The following PTPRM variants were observed in gnomAD, a reference collection of about 807,000 sequenced individuals.
PTPRM encodes the protein protein tyrosine phosphatase receptor type M, also known as receptor-type tyrosine-protein phosphatase mu.
In PTPRM, 47 loss-of-function variants were observed where a neutral mutation model predicts 186.7. The ratio of observed to expected loss-of-function variants is 0.25; its 90% CI spans 0.20 to 0.32. The LOEUF (loss-of-function observed/expected upper bound fraction) is 0.32, where lower values mean the gene tolerates loss of function less well. Ranked by LOEUF, PTPRM falls within the 10% of genes least tolerant of loss-of-function variation. The probability of loss-of-function intolerance (pLI) is 1.00; values close to 1 mark genes in which losing one functional copy is unlikely to be tolerated. For missense variants in PTPRM, 1,494 were observed against 1,865.0 expected (o/e 0.80, Z 3.66); for synonymous variants, 668 against 674.9 (o/e 0.99, Z 0.16).
chr18:8,349,375 G>T (rs2095522251), intron 23 of PTPRM, among the ~76,000 whole-genome samples: 1 of 152,196 alleles, frequency 6.6e-6, no homozygotes, highest in African/African-American at 2.4e-5. Context: ...AGACATTGCT[G>T]ACAGTTTTCC....
At chr18:8,128,029 G>A (rs532377805) in intron 13 of PTPRM, among the ~76,000 whole-genome samples, 124 of 152,202 alleles carry the variant, frequency 8.1e-4, no homozygotes, top group Middle Eastern at 3.4e-3. Context: ...AGTTGCACTC[G>A]AAAACGTACT....
intron 2 of PTPRM, among the ~76,000 whole-genome samples, chr18:7,788,677 C>T (rs970775482): frequency 6.6e-6 from 1 of 152,140 alleles, no homozygotes; most frequent in Non-Finnish European, 1.5e-5. Context: ...ATTTCATGTG[C>T]ATGGATAGCA....
chr18:8,165,855 C>A (rs1203696007), intron 14 of PTPRM, among the ~76,000 whole-genome samples: 1 of 152,156 alleles, frequency 6.6e-6, no homozygotes, highest in East Asian at 1.9e-4. Flanking sequence ...CAGTTCCCCC[C>A]TTATGGGCTT....
intron 11 of PTPRM, among the ~76,000 whole-genome samples, chr18:8,095,036 T>C (rs933442107): frequency 3.9e-5 from 6 of 152,094 alleles, no homozygotes; most frequent in African/African-American, 1.4e-4. Flanking sequence ...TGTGCTAGGA[T>C]TGGATTTGTT....
chr18:7,717,408 A>C (rs1053005848), intron 1 of PTPRM, among the ~76,000 whole-genome samples: 1 of 152,070 alleles, frequency 6.6e-6, no homozygotes, highest in African/African-American at 2.4e-5. Flanking sequence ...AAGATTACCT[A>C]CCTGCCCCAT....
chr18:7,888,383 T>C lies in PTPRM; in HGVS notation c.468+6T>C. ...TCTGGCCTAACTTTTATCAGGTATG[T>C]GCTTTCTTTTTATTACATATTTTGA... On this transcript the variant is annotated splice_donor_region_variant and intron_variant, in intron 3 of 32. Transcript: ENST00000580170. 6.4e-7 allele frequency: 1 copy of C among 1,566,734 alleles called. No individual in the cohort carries two copies. Among genetic ancestry groups the C allele is most frequent in the Non-Finnish European group, 8.6e-7 (1 of 1,160,118 alleles).
At chr18:7,785,770 G>A (rs1033214905) in intron 2 of PTPRM, among the ~76,000 whole-genome samples, 2 of 152,228 alleles carry the variant, frequency 1.3e-5, no homozygotes, top group South Asian at 2.1e-4. Flanking sequence ...GAGAGGTTTA[G>A]TAGAGCTGAT....
chr18:7,964,102 T>C (rs1210447925), intron 7 of PTPRM, among the ~76,000 whole-genome samples: 2 of 152,232 alleles, frequency 1.3e-5, no homozygotes, highest in Non-Finnish European at 2.9e-5. Context: ...CTTAATTCTT[T>C]ATCACATTTA....
chr18:7,870,514 T>C (rs2047930239), intron 2 of PTPRM, among the ~76,000 whole-genome samples: 1 of 152,128 alleles, frequency 6.6e-6, no homozygotes. Context: ...ACGACATCTG[T>C]TTTGGCTGCT....
At position 8,406,189 on chromosome 18, in the gene PTPRM, C is replaced by A; in HGVS notation, c.*27C>A. The stretch of plus-strand genomic sequence containing the variant: ...GGTGTAAACAGCTCTGCAAACAATC[C>A]CTTTCATACCACAAAGCCAAGACGT... On this transcript the variant is annotated 3_prime_UTR_variant, in exon 33 of 33. Transcript: ENST00000580170. The A allele has an allele frequency of 6.2e-7, 1 of 1,602,552 alleles. No homozygotes were observed. Among genetic ancestry groups the A allele is most frequent in the Non-Finnish European group, 8.5e-7 (1 of 1,170,646 alleles).
chr18:8,126,136 C>T (rs1348825580), intron 13 of PTPRM, among the ~76,000 whole-genome samples: 4 of 149,698 alleles, frequency 2.7e-5, no homozygotes, highest in Non-Finnish European at 4.4e-5. Context: ...GTGTAGCCCA[C>T]AGGCACCCAG....
chr18:8,364,623 C>T (rs912113272), intron 23 of PTPRM, among the ~76,000 whole-genome samples: 1 of 152,162 alleles, frequency 6.6e-6, no homozygotes, highest in African/African-American at 2.4e-5. Context: ...TATCCAATAT[C>T]CATCCACCCT....
At chr18:8,260,246 C>T (rs1210297931) in intron 19 of PTPRM, among the ~76,000 whole-genome samples, 3 of 152,060 alleles carry the variant, frequency 2.0e-5, no homozygotes, top group Non-Finnish European at 4.4e-5. Context: ...TTACTACAGC[C>T]TTGACCTCCT....
intron 14 of PTPRM, among the ~76,000 whole-genome samples, chr18:8,205,145 C>G (rs2093910551): frequency 6.6e-6 from 1 of 152,032 alleles, no homozygotes; most frequent in Non-Finnish European, 1.5e-5. Context: ...AGAATGTGAT[C>G]TAAAGTTCAA....
chr18:7,774,510 G>C (rs1050929313), intron 2 of PTPRM, among the ~76,000 whole-genome samples: 1 of 152,202 alleles, frequency 6.6e-6, no homozygotes, highest in African/African-American at 2.4e-5. Flanking sequence ...AGCTAGATTA[G>C]TGGGCATTAC....
At chr18:8,125,976 C>CATATATATAT (rs1178603481) in intron 13 of PTPRM, among the ~76,000 whole-genome samples, 15 of 59,696 alleles carry the variant, frequency 2.5e-4, no homozygotes, top group African/African-American at 2.8e-4. Flanking sequence ...TGTGTGTATA[C>CATATATATAT]ATATATATAT....
At chr18:7,852,021 T>G (rs1015693737) in intron 2 of PTPRM, among the ~76,000 whole-genome samples, 1 of 151,994 alleles carries the variant, frequency 6.6e-6, no homozygotes, top group Admixed American at 6.6e-5. Flanking sequence ...ACAAAAAGAA[T>G]AGAGAAGGGA....
rs115645204 is a variant in PTPRM, at chr18:7,785,677, A to C, written c.196+11406A>C. ...GCAAAATGCTATTCCATCAAATTGC[A>C]TTGAAAGTGTTTATTTACAAAACCC... On this transcript the variant is annotated intron_variant, in intron 2 of 32. Transcript: ENST00000580170. 9.3e-3 allele frequency among the ~76,000 whole-genome samples: 1,410 copies of C among 152,306 alleles called. 26 individuals are homozygous for C. Among genetic ancestry groups the C allele is most frequent in the African/African-American group, 0.031 (1,304 of 41,578 alleles).
chr18:7,960,507 ACG>A lies in PTPRM; in HGVS notation c.1132+5094_1132+5095del, dbSNP rs2053608722. Reference sequence around the variant, plus strand: ...CACACACACACACACACACACACACACGTGTGGCCAAGGCAGGAGGACTGCTT... The same window carrying A: ...CACACACACACACACACACACACACATGTGGCCAAGGCAGGAGGACTGCTT... On this transcript the variant is annotated intron_variant, in intron 7 of 32. Transcript: ENST00000580170. 2.0e-5 allele frequency among the ~76,000 whole-genome samples: 3 copies of A among 148,706 alleles called. No homozygotes were observed. In the Admixed American group the frequency reaches 2.0e-4, roughly 10 times the overall value.
Sources: allele counts gnomAD v4.1 joint callset (sites outside exome capture counted in the v4.1 genomes callset), GRCh38; gene constraint gnomAD v4.1.1; transcripts MANE v1.5; gene names NCBI Gene and HGNC (gene_info 2026-07-23, HGNC 2026-07-21).